The following GPM6A variants were observed in gnomAD, a reference collection of about 807,000 sequenced individuals.
The protein encoded by GPM6A is neuronal membrane glycoprotein M6-a.
In GPM6A, 7 loss-of-function variants were observed where a neutral mutation model predicts 32.1. The ratio of observed to expected loss-of-function variants is 0.22; its 90% confidence interval spans 0.12 to 0.41. The LOEUF is 0.41. GPM6A is among the 10% of genes least tolerant of loss of function. GPM6A has a pLI of 1.00. For missense variants in GPM6A, 235 were observed against 347.2 expected (o/e 0.68, Z 2.57); for synonymous variants, 130 against 123.4 (o/e 1.05, Z -0.35).
At chr4:175,849,527 T>C (rs1736187932) in intron 1 of GPM6A, among the ~76,000 whole-genome samples, 1 of 152,190 alleles carries the variant, frequency 6.6e-6, no homozygotes, top group Non-Finnish European at 1.5e-5. Context: ...CACAAAGATA[T>C]GGGAGTTAAT....
In GPM6A at chr4:175,708,363, TTTTATTTATTTATTTA is replaced by T. The variant is rs57574939; in HGVS notation, c.38-6612_38-6597del. On this transcript the variant is annotated intron_variant, in intron 1 of 6. Transcript: ENST00000393658. ...AAGAGGCTATCTGGGAGAAGGTTTA[TTTTATTTATTTATTTA>T]TTTATTTATTTATTTATTTATTTGA... is the stretch of plus-strand genomic sequence containing the variant. 1.4e-3 allele frequency among the ~76,000 whole-genome samples: 201 copies of T among 142,278 alleles called. 1 individual carries two copies. The highest frequency in any genetic ancestry group is 4.9e-3 in the African/African-American group (187 of 38,330). 93.3% of individuals were successfully genotyped at this position (142,278 alleles called of 152,430 possible).
intron 1 of GPM6A, among the ~76,000 whole-genome samples, chr4:175,763,984 TA>T (rs1732858654): frequency 6.6e-6 from 1 of 152,186 alleles, no homozygotes. Context: ...CAAGATCAAA[TA>T]AAATATTTTT....
chr4:175,692,947 T>C (rs1157772302), intron 2 of GPM6A, among the ~76,000 whole-genome samples: 2 of 152,122 alleles, frequency 1.3e-5, no homozygotes, highest in African/African-American at 4.8e-5. Context: ...TCTATGTCTC[T>C]GCAAAATACC....
At chr4:175,856,029 G>T (rs1396037236) in intron 1 of GPM6A, among the ~76,000 whole-genome samples, 1 of 151,972 alleles carries the variant, frequency 6.6e-6, no homozygotes, top group Non-Finnish European at 1.5e-5. Context: ...ACTGGGATGA[G>T]ATATAAACAA....
intron 1 of GPM6A, among the ~76,000 whole-genome samples, chr4:175,972,164 A>G (rs17062310): frequency 0.012 from 1,809 of 152,278 alleles, 30 homozygotes; most frequent in African/African-American, 0.041. Context: ...TAGCTCTAAA[A>G]TTTATTTAAA....
intron 1 of GPM6A, among the ~76,000 whole-genome samples, chr4:175,963,610 A>G (rs948316602): frequency 2.0e-5 from 3 of 152,188 alleles, no homozygotes; most frequent in African/African-American, 7.2e-5. Flanking sequence ...TTGTGCTGGT[A>G]GACGCTTCTT....
intron 1 of GPM6A, among the ~76,000 whole-genome samples, chr4:175,702,709 G>T (rs1744949583): frequency 6.6e-6 from 1 of 152,078 alleles, no homozygotes; most frequent in African/African-American, 2.4e-5. Flanking sequence ...TAGAGACAGG[G>T]TTTCACCATA....
At chr4:175,874,643 G>A (rs1737023327) in intron 1 of GPM6A, among the ~76,000 whole-genome samples, 1 of 152,136 alleles carries the variant, frequency 6.6e-6, no homozygotes, top group South Asian at 2.1e-4. Flanking sequence ...AAATGAGAAG[G>A]CGAATAGCTT....
At chr4:175,884,959 T>C (rs1737405038) in intron 1 of GPM6A, among the ~76,000 whole-genome samples, 1 of 152,210 alleles carries the variant, frequency 6.6e-6, no homozygotes, top group Non-Finnish European at 1.5e-5. Context: ...ATGGCAGAGA[T>C]AGCCAATACT....
intron 1 of GPM6A, among the ~76,000 whole-genome samples, chr4:175,956,599 A>C (rs1739993793): frequency 1.3e-5 from 2 of 152,192 alleles, no homozygotes. Flanking sequence ...TTGAAGATTC[A>C]ATGAGATAAG....
At chr4:175,986,384 T>C (rs1013290483) in intron 1 of GPM6A, among the ~76,000 whole-genome samples, 2 of 151,468 alleles carry the variant, frequency 1.3e-5, no homozygotes, top group Admixed American at 6.6e-5. Context: ...AAAAAAATTT[T>C]AAATAAGTTG....
At chr4:175,667,531 T>G (rs1357582905) in intron 3 of GPM6A, among the ~76,000 whole-genome samples, 1 of 152,068 alleles carries the variant, frequency 6.6e-6, no homozygotes, top group Non-Finnish European at 1.5e-5. Flanking sequence ...TTACAAAAAC[T>G]AAGGAAATCA....
intron 1 of GPM6A, 65 bp from the exon 2 acceptor site, chr4:175,701,832 A>T (rs1744898226): frequency 8.7e-7 from 1 of 1,146,620 alleles, no homozygotes; most frequent in Non-Finnish European, 1.3e-6. Flanking sequence ...TTTTTTTCAA[A>T]CTTCAGCACT....
At position 175,634,830 on chromosome 4, in the gene GPM6A, T is replaced by C. The variant is rs1740486119; in HGVS notation, c.*75A>G. ...TGAGAAGCACTTTCGTTTTGTTTTT[T>C]AAAGGTTGGATGGTTGGATGGCCCT... On this transcript the variant is annotated 3_prime_UTR_variant, in exon 7 of 7. Transcript: ENST00000393658. 5 of 1,293,416 alleles carry C rather than the reference T, an allele frequency of 3.9e-6. No homozygotes were observed. Among genetic ancestry groups the C allele is most frequent in the Non-Finnish European group, 5.5e-6 (5 of 911,920 alleles). The allele number at this position is 1,293,416 out of a possible 1,614,324, so 80.1% of individuals were successfully genotyped here.
At chr4:175,898,616 A>G (rs1257924427) in intron 1 of GPM6A, among the ~76,000 whole-genome samples, 1 of 152,150 alleles carries the variant, frequency 6.6e-6, no homozygotes, top group Non-Finnish European at 1.5e-5. Context: ...CCTCTCAAAC[A>G]TTCTGAGAAC....
In GPM6A at chr4:175,959,264, G is replaced by A. The variant is rs1262754667; in HGVS notation, c.-23+43045C>T. 3.9e-5 allele frequency among the ~76,000 whole-genome samples: 6 copies of A among 152,100 alleles called. No homozygotes were observed. The East Asian group carries it at 1.2e-3, about 29-fold the overall frequency. On this transcript the variant is annotated intron_variant, in intron 1 of 7. Coordinates refer to the GPM6A transcript ENST00000280187. ...ATATTCACATTTTATAAACAGTCAT[G>A]TCCCCATCTTCATTCTGCACAGCTT...
intron 1 of GPM6A, among the ~76,000 whole-genome samples, chr4:175,769,056 C>T (rs890444280): frequency 1.3e-5 from 2 of 152,124 alleles, no homozygotes; most frequent in Non-Finnish European, 2.9e-5. Flanking sequence ...GATTCTACCA[C>T]TGCACTCCAG....
At chr4:175,644,122 T>G (rs1462364346) in intron 4 of GPM6A, among the ~76,000 whole-genome samples, 2 of 44,908 alleles carry the variant, frequency 4.5e-5, no homozygotes, top group Non-Finnish European at 6.0e-5. Flanking sequence ...TTTCCGTTTG[T>G]TTTTTTTTTT....
intron 3 of GPM6A, among the ~76,000 whole-genome samples, chr4:175,652,863 A>G (rs1194160547): frequency 1.3e-5 from 2 of 152,142 alleles, no homozygotes; most frequent in East Asian, 3.9e-4. Context: ...CTACATTTCT[A>G]TAGATATTTG....
Sources: allele counts gnomAD v4.1 joint callset (sites outside exome capture counted in the v4.1 genomes callset), GRCh38; gene constraint gnomAD v4.1.1; transcripts MANE v1.5; gene names NCBI Gene and HGNC (gene_info 2026-07-23, HGNC 2026-07-21).